RASAL2: variants seen among roughly 807,000 people sequenced by gnomAD.
RASAL2 encodes the protein RAS protein activator like 2, also known as ras GTPase-activating protein nGAP.
RASAL2 carries 58 observed loss-of-function variants against 128.9 expected under a neutral mutation model. The observed-to-expected ratio is 0.45, with a 90% CI of 0.36 to 0.56. The LOEUF (loss-of-function observed/expected upper bound fraction) is 0.56, where lower values mean the gene tolerates loss of function less well. Ranked by LOEUF, RASAL2 falls within the 20% of genes least tolerant of loss-of-function variation. The pLI is 0.00. For missense variants in RASAL2, 1,360 were observed against 1,601.6 expected, an observed-to-expected ratio of 0.85 and a Z score of 2.57; for synonymous variants, 561 against 580.8, an observed-to-expected ratio of 0.97 and a Z score of 0.49.
rs763354120 is a variant in RASAL2, at chr1:178,466,044, C to T, written c.3512C>T (p.Ala1171Val). The change falls in exon 16 of 18, where the codon GCC becomes GTC. Residue 1171 changes from alanine (A) to valine (V), a missense_variant. This residue lies in a region of RASAL2 where 741 missense variants were observed against 868.6 expected (regional missense o/e 0.85). Transcript: ENST00000367649. ...QMQKLLLEYKARLEDSEERLR... is the reference protein window; with the variant it reads ...QMQKLLLEYKVRLEDSEERLR... ...CAGAAGCTGCTGCTGGAATACAAGG[C>T]CCGACTGGAGGACAGCGAGGAGCGG... 9 of 1,581,422 alleles carry T rather than the reference C, an allele frequency of 5.7e-6. No homozygotes were observed. The highest frequency in any genetic ancestry group is 1.8e-5 in the Admixed American group (1 of 56,204).
At chr1:178,319,541 A>C (rs948824411) in intron 3 of RASAL2, among the ~76,000 whole-genome samples, 1 of 148,526 alleles carries the variant, frequency 6.7e-6, no homozygotes, top group African/African-American at 2.6e-5. Context: ...CATTTCATTC[A>C]TTTCATCTTC....
intron 1 of RASAL2, among the ~76,000 whole-genome samples, chr1:178,185,339 C>T (rs77413844): frequency 0.057 from 8,681 of 151,530 alleles, 293 homozygotes; most frequent in South Asian, 0.08. Context: ...CTAGTTAGGA[C>T]GTATGGTAGG....
intron 1 of RASAL2, among the ~76,000 whole-genome samples, chr1:178,238,508 T>G (rs1267009078): frequency 6.6e-6 from 1 of 152,162 alleles, no homozygotes; most frequent in African/African-American, 2.4e-5. Context: ...CATTAAATTT[T>G]CCATTTGTTA....
At chr1:178,394,636 CTT>C (rs1474380545) in intron 4 of RASAL2, among the ~76,000 whole-genome samples, 1 of 152,114 alleles carries the variant, frequency 6.6e-6, no homozygotes, top group East Asian at 1.9e-4. Context: ...CTAACTTGGC[CTT>C]TCATGTAAGT....
At chr1:178,284,042 A>G (rs1666909058) in intron 2 of RASAL2, among the ~76,000 whole-genome samples, 1 of 152,184 alleles carries the variant, frequency 6.6e-6, no homozygotes, top group Non-Finnish European at 1.5e-5. Flanking sequence ...AATGTCATTA[A>G]TTGGATTAAT....
intron 3 of RASAL2, among the ~76,000 whole-genome samples, chr1:178,339,515 T>G (rs1226502939): frequency 1.3e-5 from 2 of 152,186 alleles, no homozygotes; most frequent in African/African-American, 4.8e-5. Flanking sequence ...CCGAAATTCA[T>G]GTCTCTGTAG....
chr1:178,135,241 G>C (rs1275953318), intron 1 of RASAL2, among the ~76,000 whole-genome samples: 2 of 152,106 alleles, frequency 1.3e-5, no homozygotes, highest in Non-Finnish European at 2.9e-5. Context: ...GGTTAATGCA[G>C]GACCCTCAGT....
chr1:178,445,142 GAA>G (rs59313065), intron 8 of RASAL2, among the ~76,000 whole-genome samples: 5 of 126,208 alleles, frequency 4.0e-5, no homozygotes, highest in Non-Finnish European at 5.2e-5. Context: ...ACAGTATTTG[GAA>G]AAAAAAAAAA....
intron 1 of RASAL2, among the ~76,000 whole-genome samples, chr1:178,245,347 A>G (rs1197545941): frequency 6.6e-6 from 1 of 152,056 alleles, no homozygotes; most frequent in Non-Finnish European, 1.5e-5. Flanking sequence ...GCTTTTTTTC[A>G]TATGTTTGTC....
At chr1:178,264,013 T>C (rs1048686068) in intron 1 of RASAL2, among the ~76,000 whole-genome samples, 8 of 152,218 alleles carry the variant, frequency 5.3e-5, no homozygotes, top group Admixed American at 2.0e-4. Flanking sequence ...ACTTTTCTTA[T>C]GGGAGAAATA....
intron 1 of RASAL2, among the ~76,000 whole-genome samples, chr1:178,112,820 TAGTG>T (rs1212723608): frequency 6.8e-6 from 1 of 147,256 alleles, no homozygotes; most frequent in Admixed American, 6.8e-5. Flanking sequence ...GATGACGAGT[TAGTG>T]GGTGCAGCAC....
intron 3 of RASAL2, among the ~76,000 whole-genome samples, chr1:178,377,661 T>A (rs1252762589): frequency 6.6e-6 from 1 of 152,032 alleles, no homozygotes; most frequent in Non-Finnish European, 1.5e-5. Context: ...TATAGACAAA[T>A]CTTAATTATC....
At chr1:178,420,313 T>A (rs917222211) in intron 4 of RASAL2, among the ~76,000 whole-genome samples, 198 bp from the exon 5 acceptor site, 1 of 152,254 alleles carries the variant, frequency 6.6e-6, no homozygotes, top group African/African-American at 2.4e-5. Context: ...GTTATCCCAA[T>A]TCTCACAGAA....
intron 4 of RASAL2, among the ~76,000 whole-genome samples, chr1:178,403,890 G>A (rs1673810172): frequency 6.6e-6 from 1 of 152,018 alleles, no homozygotes; most frequent in African/African-American, 2.4e-5. Context: ...AAAGTTAAAA[G>A]ACAACCAATG....
At chr1:178,397,666 A>G (rs1298660328) in intron 4 of RASAL2, among the ~76,000 whole-genome samples, 3 of 151,880 alleles carry the variant, frequency 2.0e-5, no homozygotes, top group African/African-American at 4.8e-5. Context: ...CTGGACTGCA[A>G]TGGCACAATC....
chr1:178,428,147 G>A (rs1021319075), intron 5 of RASAL2, among the ~76,000 whole-genome samples: 4 of 151,494 alleles, frequency 2.6e-5, no homozygotes, highest in African/African-American at 9.7e-5. Context: ...TTCATTGTAT[G>A]GATGTACTAC....
intron 1 of RASAL2, among the ~76,000 whole-genome samples, chr1:178,126,077 A>G (rs185973916): frequency 6.6e-6 from 1 of 152,200 alleles, no homozygotes; most frequent in Non-Finnish European, 1.5e-5. Flanking sequence ...TACAGCAGTC[A>G]TATGCTCTTA....
chr1:178,199,918 C>G (rs1051209913), intron 1 of RASAL2, among the ~76,000 whole-genome samples: 12 of 152,236 alleles, frequency 7.9e-5, no homozygotes, highest in African/African-American at 2.9e-4. Flanking sequence ...GGCAGAAGAT[C>G]GTGGAGAGAT....
At chr1:178,268,689 A>C (rs1172884997) in intron 1 of RASAL2, among the ~76,000 whole-genome samples, 1 of 152,030 alleles carries the variant, frequency 6.6e-6, no homozygotes. Flanking sequence ...GAACTCCTGG[A>C]CTCAAATGAC....
Sources: gnomAD v4.1 joint callset for allele counts (sites outside exome capture counted in the v4.1 genomes callset) on GRCh38, gnomAD v4.1.1 for gene constraint, gnomAD v4.1.1 regional missense constraint, MANE v1.5 for transcripts, NCBI Gene and HGNC (gene_info 2026-07-23, HGNC 2026-07-21) for gene names.